GRIK2: variants seen among roughly 807,000 people sequenced by gnomAD.
GRIK2 encodes the protein glutamate receptor ionotropic, kainate 2.
GRIK2 carries 32 observed loss-of-function variants against 100.3 expected under a neutral mutation model. The observed-to-expected ratio is 0.32, with a 90% CI of 0.24 to 0.43. The LOEUF is 0.43. Among genes scored for constraint, GRIK2 ranks in the 20% least tolerant of loss-of-function variants. The pLI is 1.00. For synonymous variants in GRIK2, 417 were observed against 389.4 expected (o/e 1.07, Z -0.83); for missense variants, 843 against 1,114.9 (o/e 0.76, Z 3.47).
At chr6:101,941,894 C>T (rs1400732273) in intron 14 of GRIK2, among the ~76,000 whole-genome samples, 1 of 151,956 alleles carries the variant, frequency 6.6e-6, no homozygotes, top group Non-Finnish European at 1.5e-5. Context: ...GAGAAACTGT[C>T]CAATTAATAC....
intron 14 of GRIK2, 148 bp from the exon 15 acceptor site, chr6:102,035,193 G>GTATATATATATATATA (rs139440547): frequency 3.8e-5 from 8 of 211,398 alleles, no homozygotes; most frequent in African/African-American, 2.0e-4. Flanking sequence ...GACTTTTTTG[G>GTATATATATATATATA]TATATATATA....
chr6:101,846,030 G>T (rs1441161975), intron 10 of GRIK2, among the ~76,000 whole-genome samples: 3 of 151,358 alleles, frequency 2.0e-5, no homozygotes, highest in Admixed American at 6.6e-5. Flanking sequence ...TGTTGTTGTT[G>T]TAGGAGTTCT....
chr6:101,406,588 A>C (rs1414128174), intron 2 of GRIK2, among the ~76,000 whole-genome samples: 1 of 152,124 alleles, frequency 6.6e-6, no homozygotes, highest in African/African-American at 2.4e-5. Flanking sequence ...TAGAGTTAGG[A>C]TGAGTTTATT....
intron 15 of GRIK2, among the ~76,000 whole-genome samples, chr6:102,042,362 T>A (rs1261811711): frequency 6.6e-6 from 1 of 151,544 alleles, no homozygotes; most frequent in Non-Finnish European, 1.5e-5. Flanking sequence ...ACATAAAATA[T>A]AAACATAAAT....
chr6:101,689,910 T>A (rs1424040725), intron 7 of GRIK2, among the ~76,000 whole-genome samples: 3 of 152,174 alleles, frequency 2.0e-5, no homozygotes, highest in Non-Finnish European at 4.4e-5. Flanking sequence ...TGAGCGTTAC[T>A]ACTGTTCTTT....
intron 7 of GRIK2, among the ~76,000 whole-genome samples, chr6:101,722,867 AT>A (rs1774580511): frequency 6.6e-6 from 1 of 152,066 alleles, no homozygotes; most frequent in African/African-American, 2.4e-5. Flanking sequence ...AAAGCAAAGG[AT>A]TTAAGATGTG....
chr6:101,723,572 C>G (rs1412515901), intron 7 of GRIK2, among the ~76,000 whole-genome samples: 1 of 151,940 alleles, frequency 6.6e-6, no homozygotes, highest in Non-Finnish European at 1.5e-5. Context: ...ACTGCAATAC[C>G]TATAATTATA....
chr6:101,670,514 G>C (rs928050923), intron 4 of GRIK2, among the ~76,000 whole-genome samples: 1 of 151,982 alleles, frequency 6.6e-6, no homozygotes, highest in African/African-American at 2.4e-5. Flanking sequence ...AAAATACTTG[G>C]CAGTGTTTAT....
chr6:101,416,072 A>T (rs77457126), intron 2 of GRIK2, among the ~76,000 whole-genome samples: 2,180 of 152,246 alleles, frequency 0.014, 52 homozygotes, highest in African/African-American at 0.051. Context: ...GCTAATTTAG[A>T]TCTGATGCTT....
intron 10 of GRIK2, among the ~76,000 whole-genome samples, chr6:101,821,966 C>T (rs75922509): frequency 0.072 from 11,009 of 151,988 alleles, 419 homozygotes; most frequent in African/African-American, 0.095. Context: ...ATTTTTATTA[C>T]GTGTCTTTAA....
At chr6:101,658,553 CT>C (rs966348886) in intron 4 of GRIK2, among the ~76,000 whole-genome samples, 105 of 151,452 alleles carry the variant, frequency 6.9e-4, no homozygotes, top group African/African-American at 2.5e-3. Flanking sequence ...ATTTATAATC[CT>C]TTGGGTATAT....
At chr6:101,626,758 G>A (rs1315203979) in intron 4 of GRIK2, 121 bp downstream of exon 4, 2 of 791,704 alleles carry the variant, frequency 2.5e-6, no homozygotes, top group African/African-American at 1.7e-5. Flanking sequence ...TTCAGCTAAG[G>A]GGTAGAAAGA....
chr6:101,774,188 A>G (rs1013037147), intron 7 of GRIK2, among the ~76,000 whole-genome samples: 5 of 152,136 alleles, frequency 3.3e-5, no homozygotes, highest in Admixed American at 1.3e-4. Context: ...TTTGGTTTGC[A>G]TACACCTAGG....
intron 14 of GRIK2, among the ~76,000 whole-genome samples, chr6:102,006,390 A>ATATATTTTTTTTTTTT (rs1315524835): frequency 2.9e-4 from 33 of 114,092 alleles, no homozygotes; most frequent in African/African-American, 1.4e-3. Context: ...ATATATATAT[A>ATATATTTTTTTTTTTT]TTTTTTTTTT....
chr6:102,055,560 A>G lies in GRIK2; in HGVS notation c.2542A>G (p.Lys848Glu), dbSNP rs1166908119. The change falls in exon 16 of 17, where the codon AAA becomes GAA. Residue 848 changes from lysine (K) to glutamate (E), a missense_variant. By Grantham distance (56) the Lys-to-Glu change is moderately conservative. This residue lies in a region of GRIK2 where 87 missense variants were observed against 83.2 expected (regional missense o/e 1.05). Coordinates refer to ENST00000369134, the MANE Select transcript of GRIK2 (RefSeq NM_021956.5). ...AVGEFLYKSK[K>E]NAQLEKRSFC... ...GGGAGAATTTTTATACAAATCCAAA[A>G]AAAACGCTCAATTGGAAAAGGTAAA... is the stretch of plus-strand genomic sequence containing the variant. The G allele has an allele frequency of 6.2e-7, 1 of 1,608,778 alleles. No individual in the cohort carries two copies.
intron 4 of GRIK2, among the ~76,000 whole-genome samples, chr6:101,652,426 C>A (rs962674090): frequency 2.0e-5 from 3 of 152,122 alleles, no homozygotes; most frequent in African/African-American, 4.8e-5. Context: ...AAACTTTCAG[C>A]CTCTAGAACT....
intron 7 of GRIK2, 76 bp downstream of exon 7, chr6:101,686,429 T>C: frequency 9.7e-7 from 1 of 1,028,196 alleles, no homozygotes; most frequent in Non-Finnish European, 1.5e-6. Flanking sequence ...TGGGTTTATA[T>C]GCATACATAT....
chr6:101,710,529 T>C (rs572913039), intron 7 of GRIK2, among the ~76,000 whole-genome samples: 9 of 152,028 alleles, frequency 5.9e-5, no homozygotes, highest in East Asian at 1.9e-4. Flanking sequence ...GAAACCTCTA[T>C]TCTCTCTTTT....
intron 2 of GRIK2, among the ~76,000 whole-genome samples, chr6:101,595,463 A>C (rs921473580): frequency 2.6e-5 from 4 of 151,644 alleles, no homozygotes; most frequent in Non-Finnish European, 5.9e-5. Context: ...AGTTTGGCCT[A>C]AGGGCCATAG....
Sources: gnomAD v4.1 joint callset for allele counts (sites outside exome capture counted in the v4.1 genomes callset) on GRCh38, gnomAD v4.1.1 for gene constraint, gnomAD v4.1.1 regional missense constraint, MANE v1.5 for transcripts, NCBI Gene and HGNC (gene_info 2026-07-23, HGNC 2026-07-21) for gene names.